Variants in ETV6 observed in about 807,000 individuals in gnomAD.
The protein encoded by ETV6 is transcription factor ETV6.
Under a neutral mutation model 51.1 loss-of-function variants are expected in ETV6, and 16 were observed. That is an observed-to-expected ratio of 0.31 (90% confidence interval 0.21 to 0.48). ETV6 has a LOEUF of 0.48. Among genes scored for constraint, ETV6 ranks in the 20% least tolerant of loss-of-function variants. The probability of loss-of-function intolerance (pLI) is 0.99; values close to 1 mark genes in which losing one functional copy is unlikely to be tolerated. For missense variants in ETV6, 458 were observed against 594.8 expected (o/e 0.77, Z 2.39); for synonymous variants, 240 against 224.1 (o/e 1.07, Z -0.64).
intron 2 of ETV6, among the ~76,000 whole-genome samples, chr12:11,769,141 A>G (rs991698510): frequency 1.3e-5 from 2 of 152,218 alleles, no homozygotes; most frequent in Non-Finnish European, 2.9e-5. Context: ...TAAAACTTAC[A>G]TAGCTCTTCA....
At position 11,874,462 on chromosome 12, in the gene ETV6, ATACACACACACGTGTATGTGCGTGTG is replaced by A. The variant is rs1212593617; in HGVS notation, c.1009+4502_1009+4527del. Among the ~76,000 whole-genome samples, 1,429 of 144,038 alleles carry A rather than the reference ATACACACACACGTGTATGTGCGTGTG, an allele frequency of 9.9e-3. 328 individuals carry two copies. The highest frequency in any genetic ancestry group is 0.029 in the Middle Eastern group (8 of 280). The allele number at this position is 144,038 out of a possible 152,430, so 94.5% of individuals were successfully genotyped here. A position where few individuals can be genotyped will look rare whatever the true frequency, so the allele number is the denominator to read the frequency against. On this transcript the variant is annotated intron_variant, in intron 5 of 7. Transcript: ENST00000396373. ...TGTATATATATATGCGTATGTATAT[ATACACACACACGTGTATGTGCGTGTG>A]TACACACATATGTGTATGTGCGTGT...
chr12:11,712,898 G>A (rs115245356), intron 1 of ETV6, among the ~76,000 whole-genome samples: 8,095 of 152,202 alleles, frequency 0.053, 674 homozygotes, highest in African/African-American at 0.18. Flanking sequence ...AGGCGTGCAC[G>A]GAGGAGGCCA....
At chr12:11,691,929 T>A (rs1195301191) in intron 1 of ETV6, among the ~76,000 whole-genome samples, 1 of 152,238 alleles carries the variant, frequency 6.6e-6, no homozygotes, top group African/African-American at 2.4e-5. Context: ...GGAAGCACAA[T>A]AAAGGTAAGT....
In ETV6 at chr12:11,869,683, G is replaced by A. The variant is rs199557618; in HGVS notation, c.723G>A (p.Glu241=). The part of the protein sequence containing the change: ...ESYPLSVSPM[E]NNHCPASSES... ...ACCCTCTGTCAGTGTCTCCCATGGA[G>A]AATAATCACTGCCCAGCGTCCTCCG... is the stretch of plus-strand genomic sequence containing the variant. Residue 241 remains glutamate, a synonymous_variant, in exon 5 of 8, where the codon GAG becomes GAA. Transcript: ENST00000396373. The surrounding 1 kb of genome is among the most constrained non-coding windows in gnomAD (Gnocchi z 5.0). 1.4e-4 allele frequency: 222 copies of A among 1,614,168 alleles called. 2 individuals are homozygous for A. In the South Asian group the frequency reaches 2.3e-3, roughly 17 times the overall value.
chr12:11,893,788 CTCATT>C lies in ETV6; in HGVS notation c.*2744_*2748del, dbSNP rs1947335336. On this transcript the variant is annotated 3_prime_UTR_variant, in exon 8 of 8. Transcript: ENST00000396373. ...GACTTTGTGTCCATCCCCAAGATCT[CTCATT>C]TTATATATATATATATATATATATA... The C allele has an allele frequency of 7.4e-6, 1 of 134,908 alleles. No homozygotes were observed. The highest frequency in any genetic ancestry group is 1.4e-5 in the Non-Finnish European group (1 of 69,432). 8.4% of individuals were successfully genotyped at this position (134,908 alleles called of 1,614,324 possible). A position where few individuals can be genotyped will look rare whatever the true frequency, so the allele number is the denominator to read the frequency against.
chr12:11,881,138 A>G (rs1018945054), intron 5 of ETV6, among the ~76,000 whole-genome samples: 8 of 152,140 alleles, frequency 5.3e-5, no homozygotes, highest in Non-Finnish European at 1.2e-4. Flanking sequence ...AGGTCTCGTT[A>G]TGTTGCCTGG....
chr12:11,794,058 G>A (rs879307861), intron 2 of ETV6, among the ~76,000 whole-genome samples: 2 of 152,166 alleles, frequency 1.3e-5, no homozygotes, highest in Non-Finnish European at 2.9e-5. Flanking sequence ...AGCTGGATGG[G>A]TATAAATATA....
chr12:11,741,519 C>T (rs1865810340), intron 1 of ETV6, among the ~76,000 whole-genome samples: 1 of 152,202 alleles, frequency 6.6e-6, no homozygotes, highest in Admixed American at 6.5e-5. Flanking sequence ...CAGGACACTG[C>T]TCCGTGTGGA....
intron 5 of ETV6, among the ~76,000 whole-genome samples, chr12:11,873,298 C>CT (rs1187613778): frequency 1.3e-5 from 2 of 152,070 alleles, no homozygotes; most frequent in African/African-American, 4.8e-5. Context: ...TTTTAAGCAC[C>CT]TTTGTTTCTT....
intron 2 of ETV6, among the ~76,000 whole-genome samples, chr12:11,833,764 T>G (rs1335582937): frequency 6.6e-6 from 1 of 152,192 alleles, no homozygotes; most frequent in Middle Eastern, 3.2e-3. Context: ...ATCACTTGCT[T>G]ACAAGTAAGT....
At chr12:11,651,811 CAACTACAGATCAGT>C (rs1471696922) in intron 1 of ETV6, among the ~76,000 whole-genome samples, 1 of 152,150 alleles carries the variant, frequency 6.6e-6, no homozygotes, top group Non-Finnish European at 1.5e-5. Flanking sequence ...GAAAATCTGC[CAACTACAGATCAGT>C]AACTTTAGGG....
intron 2 of ETV6, among the ~76,000 whole-genome samples, chr12:11,818,549 A>AG (rs1555137219): frequency 6.6e-6 from 1 of 151,328 alleles, no homozygotes; most frequent in Non-Finnish European, 1.5e-5. Context: ...AAAAAAAAAA[A>AG]GCAATGGGAA....
intron 4 of ETV6, among the ~76,000 whole-genome samples, chr12:11,860,692 T>C (rs188896307): frequency 1.2e-3 from 175 of 151,918 alleles, no homozygotes; most frequent in African/African-American, 3.7e-3. Flanking sequence ...TTTGGTTGTT[T>C]CCCCCCCTCT....
At chr12:11,822,381 G>C (rs1178559643) in intron 2 of ETV6, among the ~76,000 whole-genome samples, 1 of 152,196 alleles carries the variant, frequency 6.6e-6, no homozygotes, top group Non-Finnish European at 1.5e-5. Context: ...TGCCTTGTGC[G>C]TTAGAACTCT....
intron 2 of ETV6, among the ~76,000 whole-genome samples, chr12:11,832,899 A>T (rs1017846880): frequency 6.6e-6 from 1 of 152,232 alleles, no homozygotes; most frequent in African/African-American, 2.4e-5. Flanking sequence ...GGGTACTCCC[A>T]TCTCAGCCCT....
chr12:11,745,438 A>C (rs1324889915), intron 1 of ETV6, among the ~76,000 whole-genome samples: 7 of 152,196 alleles, frequency 4.6e-5, no homozygotes, highest in Non-Finnish European at 1.0e-4. Flanking sequence ...CTGCTACTAC[A>C]AGCAAGCCTT....
At chr12:11,890,202 A>G (rs540315725) in intron 7 of ETV6, among the ~76,000 whole-genome samples, 2 of 146,608 alleles carry the variant, frequency 1.4e-5, no homozygotes, top group South Asian at 2.1e-4. Context: ...TTTTTCACTT[A>G]ACATTTAACT....
At chr12:11,725,256 A>C (rs1454305813) in intron 1 of ETV6, among the ~76,000 whole-genome samples, 20 of 152,104 alleles carry the variant, frequency 1.3e-4, no homozygotes. Context: ...CAGAATTCCA[A>C]ATTTTAGTTG....
chr12:11,884,011 A>AT (rs961860351), intron 5 of ETV6, among the ~76,000 whole-genome samples: 2 of 151,768 alleles, frequency 1.3e-5, no homozygotes, highest in Admixed American at 6.6e-5. Flanking sequence ...TCACTCCACT[A>AT]TTTTTTACCA....
Sources: gnomAD v4.1 joint callset for allele counts (sites outside exome capture counted in the v4.1 genomes callset) on GRCh38, gnomAD v4.1.1 for gene constraint, Gnocchi (gnomAD v3.1) non-coding constraint, MANE v1.5 for transcripts, NCBI Gene and HGNC (gene_info 2026-07-23, HGNC 2026-07-21) for gene names.